Variants in OXR1 observed in about 807,000 individuals in gnomAD.
OXR1 encodes oxidation resistance protein 1.
A neutral mutation model predicts 104.6 loss-of-function variants in OXR1; 41 were observed. The ratio of observed to expected loss-of-function variants is 0.39; its 90% CI spans 0.31 to 0.51. OXR1 has a LOEUF of 0.51. Ranked by LOEUF, OXR1 falls within the 20% of genes least tolerant of loss-of-function variation. The pLI is 0.77. For synonymous variants in OXR1, 348 were observed against 348.4 expected (o/e 1.00, Z 0.01); for missense variants, 955 against 1,031.9 (o/e 0.93, Z 1.02).
chr8:106,655,271 G>A (rs1824951801), intron 3 of OXR1, among the ~76,000 whole-genome samples: 2 of 151,704 alleles, frequency 1.3e-5, no homozygotes, highest in African/African-American at 4.8e-5. Flanking sequence ...ATTTTAACAC[G>A]TGAATTTTAC....
intron 1 of OXR1, among the ~76,000 whole-genome samples, chr8:106,281,773 C>A (rs1259046769): frequency 7.2e-6 from 1 of 138,030 alleles, no homozygotes; most frequent in Non-Finnish European, 1.5e-5. Context: ...GCACTCTACC[C>A]TGGGTGACAG....
At chr8:106,658,000 C>A in intron 3 of OXR1, 2 of 1,248,416 alleles carry the variant, frequency 1.6e-6, no homozygotes, top group Non-Finnish European at 2.0e-6. Context: ...GACTACCTGA[C>A]GACGTTCACC....
intron 2 of OXR1, among the ~76,000 whole-genome samples, chr8:106,490,915 A>G (rs962368859): frequency 9.9e-5 from 15 of 152,164 alleles, no homozygotes; most frequent in Admixed American, 2.0e-4. Context: ...TGGTGAGCCA[A>G]TCTGAGGGAT....
intron 1 of OXR1, among the ~76,000 whole-genome samples, chr8:106,298,747 AAAAC>A (rs1241052692): frequency 2.7e-5 from 4 of 145,952 alleles, no homozygotes; most frequent in African/African-American, 1.1e-4. Flanking sequence ...TGGAGGAAAA[AAAAC>A]AAAACAAATA....
At chr8:106,557,750 A>G (rs1816390536) in intron 3 of OXR1, among the ~76,000 whole-genome samples, 1 of 152,214 alleles carries the variant, frequency 6.6e-6, no homozygotes, top group Non-Finnish European at 1.5e-5. Flanking sequence ...TTACAGTTGT[A>G]CATAAAATCT....
At chr8:106,285,114 C>T (rs1421589895) in intron 1 of OXR1, among the ~76,000 whole-genome samples, 1 of 152,112 alleles carries the variant, frequency 6.6e-6, no homozygotes, top group Non-Finnish European at 1.5e-5. Context: ...CTATCCCTCC[C>T]CACTGCCCCC....
At position 106,693,475 on chromosome 8, in the gene OXR1, G is replaced by A. The variant is rs916117577; in HGVS notation, c.675+598G>A. ...ATGAAGTTTCGCTCTTATCAGCCAG[G>A]CTGGAGTGCAATGGCGTGATCTCGG... On this transcript the variant is annotated intron_variant, in intron 7 of 16. Transcript: ENST00000517566. Among the ~76,000 whole-genome samples the A allele has an allele frequency of 1.9e-4, 28 of 146,962 alleles. 1 individual carries two copies. The highest frequency in any genetic ancestry group is 1.3e-3 in the Admixed American group (19 of 14,546).
intron 4 of OXR1, among the ~76,000 whole-genome samples, chr8:106,680,334 T>C (rs3102432): frequency 0.29 from 44,673 of 151,942 alleles, 8,444 homozygotes; most frequent in African/African-American, 0.54. Flanking sequence ...TAAAATTTCT[T>C]CGTCTTTACA....
At chr8:106,630,106 A>T (rs1035987632) in intron 3 of OXR1, among the ~76,000 whole-genome samples, 1 of 152,174 alleles carries the variant, frequency 6.6e-6, no homozygotes, top group Non-Finnish European at 1.5e-5. Flanking sequence ...ATTGTGGCTT[A>T]GCTTTCTCTG....
At chr8:106,454,911 C>G (rs556889475) in intron 2 of OXR1, among the ~76,000 whole-genome samples, 1 of 152,230 alleles carries the variant, frequency 6.6e-6, no homozygotes, top group South Asian at 2.1e-4. Context: ...GCCTTGCCAC[C>G]CTCTGAGCAT....
chr8:106,475,534 A>G (rs972897419), intron 2 of OXR1, among the ~76,000 whole-genome samples: 1 of 151,838 alleles, frequency 6.6e-6, no homozygotes, highest in South Asian at 2.1e-4. Context: ...TTCTGGAAAT[A>G]TATCATAGTT....
intron 2 of OXR1, among the ~76,000 whole-genome samples, chr8:106,374,790 T>C (rs1340184351): frequency 1.3e-5 from 2 of 152,178 alleles, no homozygotes; most frequent in East Asian, 3.8e-4. Flanking sequence ...GGCCTCCCTA[T>C]TTCAGCTATG....
intron 1 of OXR1, among the ~76,000 whole-genome samples, chr8:106,297,340 T>C (rs1488040260): frequency 1.3e-5 from 2 of 152,206 alleles, no homozygotes; most frequent in African/African-American, 4.8e-5. Flanking sequence ...TACCACTTAC[T>C]AAATACAGTA....
intron 3 of OXR1, among the ~76,000 whole-genome samples, chr8:106,584,957 A>G (rs73699596): frequency 6.6e-6 from 1 of 152,070 alleles, no homozygotes; most frequent in East Asian, 1.9e-4. Context: ...GTCAATTAGA[A>G]CTAGCTATTT....
chr8:106,445,336 G>A (rs1014480477), intron 2 of OXR1, among the ~76,000 whole-genome samples: 1 of 152,174 alleles, frequency 6.6e-6, no homozygotes, highest in African/African-American at 2.4e-5. Context: ...AGTACCATGA[G>A]TCTTAGCAGC....
At chr8:106,492,031 C>G (rs1190719405) in intron 2 of OXR1, among the ~76,000 whole-genome samples, 3 of 152,090 alleles carry the variant, frequency 2.0e-5, no homozygotes, top group African/African-American at 7.2e-5. Context: ...TATGGGGCCC[C>G]CAAACTAAAA....
chr8:106,475,263 A>G (rs1277258269), intron 2 of OXR1, among the ~76,000 whole-genome samples: 1 of 151,990 alleles, frequency 6.6e-6, no homozygotes, highest in Admixed American at 6.6e-5. Flanking sequence ...CATTATATGT[A>G]TTATATACTG....
intron 2 of OXR1, among the ~76,000 whole-genome samples, chr8:106,493,535 G>A (rs1415495336): frequency 6.6e-6 from 1 of 151,884 alleles, no homozygotes; most frequent in African/African-American, 2.4e-5. Flanking sequence ...TTAACTTCCC[G>A]TTTGATTCTT....
chr8:106,402,214 G>A (rs1818030299), intron 2 of OXR1, among the ~76,000 whole-genome samples: 1 of 152,180 alleles, frequency 6.6e-6, no homozygotes, highest in African/African-American at 2.4e-5. Context: ...AGATCACACA[G>A]ATGAATTGAA....
Sources: gnomAD v4.1 joint callset for allele counts (sites outside exome capture counted in the v4.1 genomes callset) on GRCh38, gnomAD v4.1.1 for gene constraint, MANE v1.5 for transcripts, NCBI Gene and HGNC (gene_info 2026-07-23, HGNC 2026-07-21) for gene names.